The following EGF variants were observed in gnomAD, a reference collection of about 807,000 sequenced individuals.
EGF encodes the protein epidermal growth factor.
In EGF, 95 loss-of-function variants were observed where a neutral mutation model predicts 143.8. The observed-to-expected ratio is 0.66, with a 90% confidence interval of 0.56 to 0.78. The LOEUF is 0.78. Ranked by LOEUF, EGF falls within the 30% of genes least tolerant of loss-of-function variation. The probability of loss-of-function intolerance (pLI) is 0.00; values close to 1 mark genes in which losing one functional copy is unlikely to be tolerated. For synonymous variants in EGF, 510 were observed against 510.5 expected (o/e 1.00, Z 0.01); for missense variants, 1,320 against 1,470.9 (o/e 0.90, Z 1.68).
At chr4:109,974,861 T>C (rs1748241386) in intron 12 of EGF, 54 bp downstream of exon 12, 4 of 1,403,362 alleles carry the variant, frequency 2.9e-6, no homozygotes, top group African/African-American at 1.4e-5. Flanking sequence ...TGACAGTTCA[T>C]GGTTGATATG....
intron 10 of EGF, among the ~76,000 whole-genome samples, chr4:109,967,320 T>C (rs1257843795): frequency 1.3e-5 from 2 of 152,228 alleles, no homozygotes; most frequent in Non-Finnish European, 2.9e-5. Context: ...ACGTATATTT[T>C]TGTGGACTTT....
intron 10 of EGF, among the ~76,000 whole-genome samples, chr4:109,967,851 AG>A (rs953974539): frequency 6.6e-6 from 1 of 152,002 alleles, no homozygotes; most frequent in Non-Finnish European, 1.5e-5. Context: ...GTAACACAGT[AG>A]TAAAAATTTG....
chr4:109,926,289 G>T (rs1738624971), intron 1 of EGF, among the ~76,000 whole-genome samples: 1 of 151,998 alleles, frequency 6.6e-6, no homozygotes, highest in African/African-American at 2.4e-5. Context: ...GGAGTTCAAG[G>T]CTGCAGTGAG....
At chr4:109,956,267 C>T (rs937279821) in intron 5 of EGF, among the ~76,000 whole-genome samples, 4 of 152,260 alleles carry the variant, frequency 2.6e-5, no homozygotes, top group Non-Finnish European at 4.4e-5. Context: ...AGAACCAAGA[C>T]AAAATTCAGT....
At chr4:109,965,756 AC>A (rs1395049160) in intron 10 of EGF, among the ~76,000 whole-genome samples, 1 of 152,114 alleles carries the variant, frequency 6.6e-6, no homozygotes, top group African/African-American at 2.4e-5. Context: ...TCCACCCCTG[AC>A]CACTAAATCA....
At chr4:110,009,244 C>T (rs1431703534) in intron 23 of EGF, among the ~76,000 whole-genome samples, 2 of 152,142 alleles carry the variant, frequency 1.3e-5, no homozygotes, top group African/African-American at 4.8e-5. Context: ...ATGAAAACTA[C>T]AATAAATAGT....
intron 1 of EGF, among the ~76,000 whole-genome samples, chr4:109,916,027 A>G (rs1272599527): frequency 6.6e-6 from 1 of 152,214 alleles, no homozygotes; most frequent in Admixed American, 6.5e-5. Flanking sequence ...GAGGACAAAT[A>G]ACAGTTGAAA....
intron 15 of EGF, among the ~76,000 whole-genome samples, chr4:109,982,608 A>G (rs1004664180): frequency 6.6e-6 from 1 of 152,106 alleles, no homozygotes; most frequent in Non-Finnish European, 1.5e-5. Context: ...GATTACAGAC[A>G]TGAGCCACCG....
chr4:110,004,239 C>T (rs1578404180), intron 21 of EGF: 1 of 478,810 alleles, frequency 2.1e-6, no homozygotes, highest in Non-Finnish European at 3.8e-6. Flanking sequence ...CACACACACA[C>T]ACACACACAC....
chr4:109,924,019 A>T (rs1473868175), intron 1 of EGF, among the ~76,000 whole-genome samples: 1 of 151,696 alleles, frequency 6.6e-6, no homozygotes, highest in Non-Finnish European at 1.5e-5. Flanking sequence ...TTATGTAGGA[A>T]TTTACTACAA....
intron 5 of EGF, among the ~76,000 whole-genome samples, chr4:109,949,549 A>G: frequency 6.7e-6 from 1 of 150,050 alleles, no homozygotes; most frequent in East Asian, 2.0e-4. Context: ...AACCCATGTC[A>G]TTTTTCTGTT....
rs748739824 is a variant in EGF at position 110,004,519 on chromosome 4, T to C, written c.3188T>C (p.Leu1063Pro). ...CTTTATCACAGGACTCAGAAGCTGC[T>C]ATCGAAAAACCCAAAGAATCCTTAT... is the stretch of plus-strand genomic sequence containing the variant. ...GAHYYRTQKL[L>P]SKNPKNPYEE... is the part of the protein sequence containing the mutation. The change falls in exon 22 of 24, where the codon CTA becomes CCA. Residue 1063 changes from leucine (L) to proline (P), a missense_variant. This residue lies in a region of EGF where 1,186 missense variants were observed against 1,313.7 expected (regional missense o/e 0.90). Transcript: ENST00000265171. 1.2e-6 allele frequency: 2 copies of C among 1,613,968 alleles called. No homozygotes were observed. Among genetic ancestry groups the C allele is most frequent in the Non-Finnish European group, 1.7e-6 (2 of 1,179,988 alleles).
chr4:109,941,132 G>T lies in EGF; in HGVS notation c.314G>T (p.Gly105Val). The T allele has an allele frequency of 6.2e-7, 1 of 1,613,822 alleles. No homozygotes were observed. Among genetic ancestry groups the T allele is most frequent in the Non-Finnish European group, 8.5e-7 (1 of 1,179,900 alleles). Residue 105 changes from glycine to valine, a missense_variant, in exon 2 of 24, where the codon GGG becomes GTG. Physicochemically the swap from Gly to Val is moderately radical, Grantham distance 109. Coordinates refer to ENST00000265171, the MANE Select transcript of EGF (RefSeq NM_001963.6). ...CTTTTGCAAAGAGTTTTTCTGAATG[G>T]GTCAAGGCAAGAGGTAAAATACCCT... is the stretch of plus-strand genomic sequence containing the variant. ...RQLLQRVFLNGSRQERVCNIE... is the reference protein window; with the variant it reads ...RQLLQRVFLNVSRQERVCNIE...
At chr4:110,007,485 T>C (rs1046729122) in intron 22 of EGF, among the ~76,000 whole-genome samples, 5 of 152,220 alleles carry the variant, frequency 3.3e-5, no homozygotes, top group Non-Finnish European at 7.3e-5. Flanking sequence ...CTAATCTATC[T>C]AGAGTGAATG....
At chr4:109,989,179 G>A (rs1236322743) in intron 18 of EGF, among the ~76,000 whole-genome samples, 1 of 152,224 alleles carries the variant, frequency 6.6e-6, no homozygotes, top group African/African-American at 2.4e-5. Flanking sequence ...TTCTTGATAA[G>A]TTCAATAGGT....
At chr4:109,940,312 T>A (rs2125999606) in intron 1 of EGF, among the ~76,000 whole-genome samples, 1 of 152,258 alleles carries the variant, frequency 6.6e-6, no homozygotes, top group Non-Finnish European at 1.5e-5. Context: ...AGAGAACAAA[T>A]TTTTAGTGTA....
At chr4:109,983,809 G>A (rs1173814058) in intron 16 of EGF, among the ~76,000 whole-genome samples, 1 of 152,162 alleles carries the variant, frequency 6.6e-6, no homozygotes, top group Non-Finnish European at 1.5e-5. Flanking sequence ...GGAAACAAAA[G>A]TAAAACACAG....
Position 109,943,001 on chromosome 4 carries a change from G to A in EGF, c.328-253G>A, listed in dbSNP as rs374751204. 1.6e-3 allele frequency among the ~76,000 whole-genome samples: 249 copies of A among 152,258 alleles called. 1 individual carries two copies. Among genetic ancestry groups the A allele is most frequent in the African/African-American group, 5.6e-3 (232 of 41,554 alleles). The stretch of plus-strand genomic sequence containing the variant: ...TATGGTTGGCTTCCTAATTTAAATA[G>A]TGTGTAGGATAATTTTTAGTTTCAA... On this transcript the variant is annotated intron_variant, in intron 2 of 23. Coordinates refer to ENST00000265171, the MANE Select transcript of EGF (RefSeq NM_001963.6).
chr4:109,954,104 T>A (rs1204172030), intron 5 of EGF, among the ~76,000 whole-genome samples: 1 of 152,198 alleles, frequency 6.6e-6, no homozygotes, highest in Non-Finnish European at 1.5e-5. Flanking sequence ...CATGCTGGAG[T>A]GCAGTGGCAT....
Sources: gnomAD v4.1 joint callset for allele counts (sites outside exome capture counted in the v4.1 genomes callset) on GRCh38, gnomAD v4.1.1 for gene constraint, gnomAD v4.1.1 regional missense constraint, MANE v1.5 for transcripts, NCBI Gene and HGNC (gene_info 2026-07-23, HGNC 2026-07-21) for gene names.